The following WDFY3 variants were observed in gnomAD, a reference collection of about 807,000 sequenced individuals.
WDFY3 encodes WD repeat and FYVE domain containing 3.
In WDFY3, 66 loss-of-function variants were observed where a neutral mutation model predicts 409.6. The ratio of observed to expected loss-of-function variants is 0.16; its 90% CI spans 0.13 to 0.20. WDFY3 has a LOEUF of 0.20. Among genes scored for constraint, WDFY3 ranks in the 10% least tolerant of loss-of-function variants. WDFY3 has a pLI of 1.00. For missense variants in WDFY3, 3,031 were observed against 4,298.1 expected (o/e 0.71, Z 8.24); for synonymous variants, 1,521 against 1,537.1 (o/e 0.99, Z 0.25).
At chr4:84,953,846 A>G (rs548525541) in intron 1 of WDFY3, among the ~76,000 whole-genome samples, 56 of 151,960 alleles carry the variant, frequency 3.7e-4, no homozygotes, top group African/African-American at 1.3e-3. Context: ...CCACCAAAGA[A>G]ATTTGATCAA....
chr4:84,685,944 T>A (rs1728233414), intron 62 of WDFY3, among the ~76,000 whole-genome samples: 1 of 152,220 alleles, frequency 6.6e-6, no homozygotes, highest in Admixed American at 6.5e-5. Flanking sequence ...CACTGCTGCA[T>A]AAGAGCAGTT....
At chr4:84,728,511 G>A (rs1257663524) in intron 44 of WDFY3, among the ~76,000 whole-genome samples, 1 of 152,092 alleles carries the variant, frequency 6.6e-6, no homozygotes, top group Non-Finnish European at 1.5e-5. Context: ...CTGGGCAACA[G>A]AGCGATAACT....
At chr4:84,695,533 G>A (rs1254916198) in intron 58 of WDFY3, among the ~76,000 whole-genome samples, 3 of 151,406 alleles carry the variant, frequency 2.0e-5, no homozygotes, top group Non-Finnish European at 4.4e-5. Flanking sequence ...GAGAGAGAGA[G>A]AGAGAGAGAG....
Position 84,684,021 on chromosome 4 carries a change from G to T in WDFY3, c.9648C>A (p.Ile3216=). 6.2e-7 allele frequency: 1 copy of T among 1,613,858 alleles called. No individual in the cohort carries two copies. The highest frequency in any genetic ancestry group is 8.5e-7 in the Non-Finnish European group (1 of 1,179,756). The stretch of plus-strand genomic sequence containing the variant: ...CGTTCATCTCCGACATGCAGCAGCA[G>T]ATGATCTGCTGGCTCCTACCTGTGA... ...NTFTGRSQQI[I]CCCMSEMNEW... is the part of the protein sequence containing the mutation. The change falls in exon 63 of 68, where the codon ATC becomes ATA. Residue 3216 remains isoleucine (I), a synonymous_variant. Transcript: ENST00000295888.
intron 4 of WDFY3, among the ~76,000 whole-genome samples, chr4:84,851,182 G>C (rs1758958467): frequency 6.6e-6 from 1 of 151,156 alleles, no homozygotes; most frequent in African/African-American, 2.4e-5. Flanking sequence ...AAAAGAAATG[G>C]TATTTTAATG....
chr4:84,707,490 T>C (rs1732159622), intron 53 of WDFY3, among the ~76,000 whole-genome samples: 1 of 152,162 alleles, frequency 6.6e-6, no homozygotes, highest in African/African-American at 2.4e-5. Context: ...GCATGGATGA[T>C]GGTGCCATTT....
At chr4:84,856,056 T>C (rs1759724124) in intron 4 of WDFY3, among the ~76,000 whole-genome samples, 1 of 152,198 alleles carries the variant, frequency 6.6e-6, no homozygotes, top group South Asian at 2.1e-4. Flanking sequence ...AGCCACATTC[T>C]CCAGTATCAA....
intron 2 of WDFY3, among the ~76,000 whole-genome samples, chr4:84,913,849 C>T (rs776966918): frequency 3.9e-5 from 6 of 152,048 alleles, no homozygotes; most frequent in Non-Finnish European, 7.4e-5. Context: ...CCTTCCCTTC[C>T]CTTCCACCTC....
chr4:84,822,455 C>T (rs920303747), intron 10 of WDFY3, among the ~76,000 whole-genome samples: 31 of 152,010 alleles, frequency 2.0e-4, no homozygotes, highest in African/African-American at 7.3e-4. Flanking sequence ...GTAGTCCTAG[C>T]ACTTTGGGAA....
intron 32 of WDFY3, among the ~76,000 whole-genome samples, chr4:84,761,211 C>A (rs371305420): frequency 6.6e-6 from 1 of 152,004 alleles, no homozygotes; most frequent in African/African-American, 2.4e-5. Flanking sequence ...TTGCTGAGGA[C>A]AGCTTTACTT....
At chr4:84,959,394 T>C (rs1561166993) in intron 1 of WDFY3, among the ~76,000 whole-genome samples, 2 of 151,576 alleles carry the variant, frequency 1.3e-5, no homozygotes, top group South Asian at 2.1e-4. Context: ...GGGTAATCTA[T>C]GAGAAGACGT....
intron 44 of WDFY3, 67 bp from the exon 45 acceptor site, chr4:84,726,978 A>C: frequency 7.0e-7 from 1 of 1,432,534 alleles, no homozygotes; most frequent in East Asian, 2.3e-5. Context: ...CAAAAATAAA[A>C]TTTTTCTTGA....
intron 10 of WDFY3, among the ~76,000 whole-genome samples, chr4:84,825,703 T>C (rs1473726874): frequency 1.3e-5 from 2 of 152,086 alleles, no homozygotes; most frequent in Admixed American, 6.6e-5. Context: ...TCATAACATA[T>C]GTATTATAAA....
chr4:84,864,365 CAAAAAAAAAAAAAAA>C (rs35016773), intron 3 of WDFY3, among the ~76,000 whole-genome samples: 1 of 32,570 alleles, frequency 3.1e-5, no homozygotes, highest in South Asian at 1.1e-3. Flanking sequence ...GACTCCATCT[CAAAAAAAAAAAAAAA>C]AAAAAAAAAG....
intron 49 of WDFY3, among the ~76,000 whole-genome samples, chr4:84,716,483 G>A (rs1733938439): frequency 6.8e-6 from 1 of 147,104 alleles, no homozygotes; most frequent in African/African-American, 2.5e-5. Context: ...GGGTTTCCAT[G>A]GCATGTATCA....
chr4:84,890,020 A>G (rs1008075350), intron 3 of WDFY3, among the ~76,000 whole-genome samples: 18 of 152,192 alleles, frequency 1.2e-4, no homozygotes, highest in Non-Finnish European at 2.9e-5. Context: ...ATAAAACAAA[A>G]TAAGCAAGGT....
Position 84,718,421 on chromosome 4 carries a change from C to T in WDFY3, c.7754+1G>A. The T allele has an allele frequency of 6.2e-7, 1 of 1,612,268 alleles. No homozygotes were observed. The highest frequency in any genetic ancestry group is 8.5e-7 in the Non-Finnish European group (1 of 1,179,130). ...TTATGTCTCTTCATTCATTTACTTA[C>T]TTTGGAGGTAAGGTTTCAATATCTC... On this transcript the variant is annotated splice_donor_variant, in intron 48 of 67. Coordinates refer to ENST00000295888, the MANE Select transcript of WDFY3 (RefSeq NM_014991.6). LOFTEE classifies it high-confidence loss of function.
chr4:84,882,473 C>G (rs1763668183), intron 3 of WDFY3, among the ~76,000 whole-genome samples: 1 of 152,092 alleles, frequency 6.6e-6, no homozygotes, highest in Admixed American at 6.6e-5. Flanking sequence ...GCTGACACAC[C>G]TAACTTATCT....
chr4:84,918,972 T>C (rs530713353), intron 2 of WDFY3, among the ~76,000 whole-genome samples: 1 of 152,120 alleles, frequency 6.6e-6, no homozygotes, highest in East Asian at 1.9e-4. Context: ...TTTCTAATAC[T>C]ATTACCCAAT....
Sources: gnomAD v4.1 joint callset for allele counts (sites outside exome capture counted in the v4.1 genomes callset) on GRCh38, gnomAD v4.1.1 for gene constraint, MANE v1.5 for transcripts, NCBI Gene and HGNC (gene_info 2026-07-23, HGNC 2026-07-21) for gene names.